ASH1L: variants seen among roughly 807,000 people sequenced by gnomAD.
ASH1L encodes ASH1 like histone lysine methyltransferase.
Under a neutral mutation model 269.0 loss-of-function variants are expected in ASH1L, and 23 were observed. The observed-to-expected ratio is 0.09, with a 90% CI of 0.06 to 0.12. The LOEUF is 0.12. Ranked by LOEUF, ASH1L falls within the 10% of genes least tolerant of loss-of-function variation. ASH1L has a pLI of 1.00. For missense variants in ASH1L, 2,912 were observed against 3,567.8 expected (o/e 0.82, Z 4.68); for synonymous variants, 1,187 against 1,253.5 (o/e 0.95, Z 1.12).
intron 3 of ASH1L, among the ~76,000 whole-genome samples, chr1:155,461,386 A>T (rs1414944524): frequency 6.6e-6 from 1 of 151,150 alleles, no homozygotes; most frequent in African/African-American, 2.4e-5. Flanking sequence ...AACACGTTAA[A>T]TTTTTTTTTA....
intron 5 of ASH1L, among the ~76,000 whole-genome samples, chr1:155,435,101 T>C (rs891219289): frequency 1.1e-4 from 16 of 152,320 alleles, no homozygotes; most frequent in African/African-American, 3.8e-4. Context: ...GAGGTTGCAG[T>C]GAGCCAAGAT....
At chr1:155,506,273 A>G (rs1667810202) in intron 2 of ASH1L, among the ~76,000 whole-genome samples, 1 of 152,254 alleles carries the variant, frequency 6.6e-6, no homozygotes, top group Non-Finnish European at 1.5e-5. Context: ...GTAATGTCAT[A>G]CCAATTTTTT....
chr1:155,434,003 C>T (rs748864312), intron 5 of ASH1L: 21 of 1,588,084 alleles, frequency 1.3e-5, no homozygotes, highest in Admixed American at 1.8e-5. Flanking sequence ...GGATGTGGTC[C>T]GAGTGTGGTT....
intron 8 of ASH1L, among the ~76,000 whole-genome samples, chr1:155,378,887 T>C (rs994715588): frequency 6.6e-6 from 1 of 152,192 alleles, no homozygotes; most frequent in African/African-American, 2.4e-5. Flanking sequence ...TATTTGCTTC[T>C]ATCAAAAGAA....
At chr1:155,352,644 A>AT (rs1654034440) in intron 17 of ASH1L, 62 bp downstream of exon 17, 4 of 1,477,244 alleles carry the variant, frequency 2.7e-6, no homozygotes, top group Non-Finnish European at 3.6e-6. Context: ...ATCTCTATTT[A>AT]TTTAAAAAAA....
intron 1 of ASH1L, among the ~76,000 whole-genome samples, chr1:155,547,816 C>CA (rs111383522): frequency 1.9e-4 from 29 of 151,860 alleles, no homozygotes; most frequent in African/African-American, 6.3e-4. Flanking sequence ...ACTAAAAATA[C>CA]AAAAAAATTA....
intron 5 of ASH1L, among the ~76,000 whole-genome samples, chr1:155,417,851 G>A (rs925716255): frequency 5.3e-5 from 8 of 151,990 alleles, no homozygotes; most frequent in Admixed American, 2.6e-4. Flanking sequence ...CCAGCTACTC[G>A]GGAGGCTGAT....
chr1:155,477,824 G>A (rs1665673376), intron 3 of ASH1L, 62 bp downstream of exon 3: 1 of 1,464,532 alleles, frequency 6.8e-7, no homozygotes, highest in Non-Finnish European at 9.1e-7. Context: ...ACATTTATCA[G>A]GCACCTGTGG....
At chr1:155,518,794 A>C in intron 2 of ASH1L, among the ~76,000 whole-genome samples, 1 of 141,040 alleles carries the variant, frequency 7.1e-6, no homozygotes, top group South Asian at 2.6e-4. Flanking sequence ...CAGGAGAGGT[A>C]GAGGGGAGAC....
At chr1:155,429,245 G>T (rs556286033) in intron 5 of ASH1L, among the ~76,000 whole-genome samples, 1 of 152,140 alleles carries the variant, frequency 6.6e-6, no homozygotes, top group African/African-American at 2.4e-5. Context: ...AGACACAATA[G>T]TATATGTCCT....
chr1:155,535,322 G>A (rs75909597), intron 1 of ASH1L, among the ~76,000 whole-genome samples: 2 of 151,238 alleles, frequency 1.3e-5, no homozygotes, highest in African/African-American at 2.4e-5. Flanking sequence ...CTCAAACTCT[G>A]GAGCTCAAAT....
intron 7 of ASH1L, among the ~76,000 whole-genome samples, chr1:155,380,732 G>A (rs1047990893): frequency 6.6e-6 from 1 of 151,624 alleles, no homozygotes; most frequent in Admixed American, 6.6e-5. Context: ...CTGGGTTTAA[G>A]CGATTCTCCT....
intron 4 of ASH1L, among the ~76,000 whole-genome samples, chr1:155,441,423 T>C (rs1184307586): frequency 6.8e-6 from 1 of 145,992 alleles, no homozygotes; most frequent in Admixed American, 6.9e-5. Context: ...CAACAACCAG[T>C]ATCAACCACC....
At chr1:155,427,360 T>C (rs1018981884) in intron 5 of ASH1L, among the ~76,000 whole-genome samples, 1 of 151,700 alleles carries the variant, frequency 6.6e-6, no homozygotes, top group African/African-American at 2.4e-5. Context: ...CAGGCTGGAG[T>C]GCAGTGGCCA....
chr1:155,550,052 G>A (rs969251460), intron 1 of ASH1L, among the ~76,000 whole-genome samples: 6 of 151,000 alleles, frequency 4.0e-5, no homozygotes, highest in Non-Finnish European at 4.4e-5. Flanking sequence ...ACAGAGTCTC[G>A]CTCTGTTGCC....
chr1:155,429,716 A>C (rs1176296969), intron 5 of ASH1L, among the ~76,000 whole-genome samples: 1 of 152,164 alleles, frequency 6.6e-6, no homozygotes, highest in African/African-American at 2.4e-5. Flanking sequence ...ACAAACAGGG[A>C]AAGTATGGTC....
At chr1:155,410,010 C>T (rs1186553323) in intron 6 of ASH1L, among the ~76,000 whole-genome samples, 1 of 151,158 alleles carries the variant, frequency 6.6e-6, no homozygotes, top group African/African-American at 2.4e-5. Context: ...GCTAAAAATA[C>T]AAAAATTAGC....
chr1:155,561,907 C>G, intron 1 of ASH1L: 1 of 416,536 alleles, frequency 2.4e-6, no homozygotes. Context: ...ACAGCCGACT[C>G]CGCCTCCACT....
At chr1:155,526,779 C>T (rs775497667) in intron 1 of ASH1L, among the ~76,000 whole-genome samples, 12 of 152,316 alleles carry the variant, frequency 7.9e-5, no homozygotes, top group East Asian at 3.9e-4. Flanking sequence ...AATATATAAA[C>T]GATCTCTCCT....
Sources: allele counts gnomAD v4.1 joint callset (sites outside exome capture counted in the v4.1 genomes callset), GRCh38; gene constraint gnomAD v4.1.1; transcripts MANE v1.5; gene names NCBI Gene and HGNC (gene_info 2026-07-23, HGNC 2026-07-21).